Variants in TAB2 observed in about 807,000 individuals in gnomAD.
TAB2 encodes the protein TGF-beta activated kinase 1 (MAP3K7) binding protein 2, also known as TGF-beta-activated kinase 1 and MAP3K7-binding protein 2.
Under a neutral mutation model 65.0 loss-of-function variants are expected in TAB2, and 3 were observed. The observed-to-expected ratio is 0.05, with a 90% CI of 0.02 to 0.12. The LOEUF is 0.12. Ranked by LOEUF, TAB2 falls within the 10% of genes least tolerant of loss-of-function variation. The pLI, the probability that TAB2 is intolerant of heterozygous loss-of-function variation, is 1.00. For missense variants in TAB2, 623 were observed against 840.3 expected, an observed-to-expected ratio of 0.74 and a Z score of 3.20; for synonymous variants, 298 against 285.1, an observed-to-expected ratio of 1.05 and a Z score of -0.46.
intron 1 of TAB2, among the ~76,000 whole-genome samples, chr6:149,255,700 C>T (rs1015763991): frequency 6.6e-6 from 1 of 152,126 alleles, no homozygotes; most frequent in African/African-American, 2.4e-5. Context: ...TATGTGATTT[C>T]TTTCTTCTTT....
intron 1 of TAB2, among the ~76,000 whole-genome samples, chr6:149,285,170 G>C (rs186094104): frequency 2.0e-4 from 31 of 152,332 alleles, no homozygotes; most frequent in African/African-American, 7.5e-4. Flanking sequence ...CTCCTGGTTT[G>C]TTGGAGGATT....
At chr6:149,308,434 T>C (rs897473258) in intron 1 of TAB2, among the ~76,000 whole-genome samples, 6 of 152,208 alleles carry the variant, frequency 3.9e-5, no homozygotes, top group African/African-American at 1.4e-4. Flanking sequence ...TTAGTTTTGT[T>C]AGAGTGAAAT....
intron 1 of TAB2, 60 bp from the exon 2 acceptor site, chr6:149,369,849 C>G: frequency 1.5e-6 from 1 of 669,262 alleles, no homozygotes; most frequent in Non-Finnish European, 2.6e-6. Flanking sequence ...AATTTTAAAT[C>G]CACAACAATA....
intron 1 of TAB2, among the ~76,000 whole-genome samples, chr6:149,238,429 G>A (rs4897095): frequency 0.27 from 41,412 of 151,974 alleles, 6,474 homozygotes; most frequent in Admixed American, 0.38. Context: ...GTTCCAAATC[G>A]GGGTACATCT....
intron 3 of TAB2, among the ~76,000 whole-genome samples, chr6:149,395,828 G>A (rs913975646): frequency 6.6e-6 from 1 of 151,738 alleles, no homozygotes. Context: ...CCCAGACTTT[G>A]TTGGAAATAC....
At chr6:149,328,342 G>C (rs1779679652) in intron 1 of TAB2, among the ~76,000 whole-genome samples, 1 of 152,154 alleles carries the variant, frequency 6.6e-6, no homozygotes, top group Admixed American at 6.5e-5. Context: ...CCTCAGGCTG[G>C]AGTGCAGTGG....
chr6:149,402,557 A>C (rs937700897), intron 6 of TAB2, among the ~76,000 whole-genome samples: 2 of 115,716 alleles, frequency 1.7e-5, no homozygotes, highest in Non-Finnish European at 3.7e-5. Context: ...CAAACACTCA[A>C]ACAAGAATTA....
chr6:149,312,323 C>T (rs1251609355), intron 1 of TAB2, among the ~76,000 whole-genome samples: 2 of 152,158 alleles, frequency 1.3e-5, no homozygotes, highest in Non-Finnish European at 2.9e-5. Context: ...CACATCACAT[C>T]AGTTGATATC....
chr6:149,407,046 G>C (rs1038187338), intron 6 of TAB2, among the ~76,000 whole-genome samples: 2 of 152,158 alleles, frequency 1.3e-5, no homozygotes, highest in African/African-American at 4.8e-5. Context: ...ATTAGGTGTA[G>C]CTCTGTCCTC....
intron 1 of TAB2, among the ~76,000 whole-genome samples, chr6:149,338,895 A>G (rs1184646198): frequency 6.6e-6 from 1 of 152,208 alleles, no homozygotes; most frequent in East Asian, 1.9e-4. Flanking sequence ...TCCTATGGCT[A>G]TATTTATTAT....
At chr6:149,255,957 G>T (rs1430082406) in intron 1 of TAB2, among the ~76,000 whole-genome samples, 1 of 152,194 alleles carries the variant, frequency 6.6e-6, no homozygotes, top group Non-Finnish European at 1.5e-5. Context: ...GAAAAAGAGA[G>T]AGCATGTCAT....
intron 6 of TAB2, chr6:149,400,936 G>T (rs879477313): frequency 2.5e-5 from 11 of 445,010 alleles, no homozygotes; most frequent in Non-Finnish European, 4.1e-5. Flanking sequence ...GAGACAGGAT[G>T]GGAAAAAATA....
At chr6:149,305,395 G>T (rs909366401) in intron 1 of TAB2, among the ~76,000 whole-genome samples, 1 of 152,126 alleles carries the variant, frequency 6.6e-6, no homozygotes, top group African/African-American at 2.4e-5. Flanking sequence ...GCATTAGTTT[G>T]TCACTTTGAA....
At chr6:149,288,352 C>G (rs1778714552) in intron 1 of TAB2, among the ~76,000 whole-genome samples, 1 of 152,166 alleles carries the variant, frequency 6.6e-6, no homozygotes, top group Admixed American at 6.5e-5. Flanking sequence ...CCTCCTGCCC[C>G]ATTGTAGACT....
At chr6:149,349,265 A>C (rs1780409126) in intron 1 of TAB2, among the ~76,000 whole-genome samples, 1 of 151,874 alleles carries the variant, frequency 6.6e-6, no homozygotes, top group Non-Finnish European at 1.5e-5. Flanking sequence ...CTAAAAATAC[A>C]AAAACTTAGC....
At position 149,400,223 on chromosome 6, in the gene TAB2, C is replaced by T. The variant is rs570868018; in HGVS notation, c.1939+1039C>T. 140 of 685,676 alleles carry T rather than the reference C, an allele frequency of 2.0e-4. No homozygotes were observed. In the South Asian group the frequency reaches 2.6e-3, roughly 13 times the overall value. The allele number at this position is 685,676 out of a possible 1,614,324, so 42.5% of individuals were successfully genotyped here. On this transcript the variant is annotated intron_variant, in intron 6 of 6. Coordinates refer to ENST00000637181, the MANE Select transcript of TAB2 (RefSeq NM_001292034.3). Reference sequence around the variant, plus strand: ...CAGCCAATGGGAGGCCCCAACAGCTCGTGCTGGCGCACACAGCGGGAGGGG... The same window carrying T: ...CAGCCAATGGGAGGCCCCAACAGCTTGTGCTGGCGCACACAGCGGGAGGGG...
At chr6:149,401,291 C>T (rs1782400376) in intron 6 of TAB2, 1 of 166,324 alleles carries the variant, frequency 6.0e-6, no homozygotes, top group Non-Finnish European at 1.5e-5. Context: ...AAAATAAAAA[C>T]AGGATCCAAT....
At chr6:149,367,012 A>G (rs1781062255) in intron 1 of TAB2, among the ~76,000 whole-genome samples, 1 of 152,022 alleles carries the variant, frequency 6.6e-6, no homozygotes, top group Admixed American at 6.6e-5. Context: ...TTATAGAAGG[A>G]AACTATAAAG....
intron 1 of TAB2, among the ~76,000 whole-genome samples, chr6:149,339,652 G>A (rs1195939534): frequency 2.1e-5 from 3 of 143,476 alleles, no homozygotes; most frequent in African/African-American, 5.2e-5. Context: ...AGGCCAGAGT[G>A]CAGTGGTGCG....
Sources: gnomAD v4.1 joint callset for allele counts (sites outside exome capture counted in the v4.1 genomes callset) on GRCh38, gnomAD v4.1.1 for gene constraint, MANE v1.5 for transcripts, NCBI Gene and HGNC (gene_info 2026-07-23, HGNC 2026-07-21) for gene names.